The following DLGAP1 variants were observed in gnomAD, a reference collection of about 807,000 sequenced individuals.
DLGAP1 encodes disks large-associated protein 1.
DLGAP1 carries 11 observed loss-of-function variants against 90.8 expected under a neutral mutation model. The ratio of observed to expected loss-of-function variants is 0.12; its 90% CI spans 0.08 to 0.20. The LOEUF (loss-of-function observed/expected upper bound fraction) is 0.20, where lower values mean the gene tolerates loss of function less well. Ranked by LOEUF, DLGAP1 falls within the 10% of genes least tolerant of loss-of-function variation. The pLI, the probability that DLGAP1 is intolerant of heterozygous loss-of-function variation, is 1.00. For synonymous variants in DLGAP1, 558 were observed against 540.7 expected (o/e 1.03, Z -0.44); for missense variants, 1,050 against 1,333.8 (o/e 0.79, Z 3.31).
At chr18:3,893,581 AAATAATAATAATAAT>A (rs57334634) in intron 3 of DLGAP1, among the ~76,000 whole-genome samples, 214 of 143,058 alleles carry the variant, frequency 1.5e-3, no homozygotes, top group Middle Eastern at 0.011. Flanking sequence ...CTCAATCTCA[AAATAATAATAATAAT>A]AATAATAATA....
chr18:4,425,507 C>T (rs2083132966), intron 1 of DLGAP1, among the ~76,000 whole-genome samples: 1 of 152,164 alleles, frequency 6.6e-6, no homozygotes, highest in Non-Finnish European at 1.5e-5. Context: ...AAGGACACTT[C>T]CATATCTGCC....
chr18:3,959,702 T>C (rs1266008409), intron 3 of DLGAP1, among the ~76,000 whole-genome samples: 1 of 133,986 alleles, frequency 7.5e-6, no homozygotes, highest in Non-Finnish European at 1.6e-5. Context: ...AGAAGCACAA[T>C]GGGAGTCACA....
Position 3,696,104 on chromosome 18 carries a change from G to A in DLGAP1, c.1591+33031C>T, listed in dbSNP as rs141484240. ...GCTTAAGGAGATTTTGGGCTGAGAC[G>A]ATGGGGTTTTCCAAATATACAATCA... On this transcript the variant is annotated intron_variant, in intron 7 of 12. Transcript: ENST00000315677. Among the ~76,000 whole-genome samples, 521 of 152,290 alleles carry A rather than the reference G, an allele frequency of 3.4e-3. 3 individuals are homozygous for A. The highest frequency in any genetic ancestry group is 0.012 in the African/African-American group (488 of 41,580).
At chr18:4,395,669 AT>A (rs1456554724) in intron 1 of DLGAP1, among the ~76,000 whole-genome samples, 2 of 152,166 alleles carry the variant, frequency 1.3e-5, no homozygotes, top group African/African-American at 4.8e-5. Context: ...GCCAAATAAC[AT>A]TTTTCCAACC....
intron 1 of DLGAP1, among the ~76,000 whole-genome samples, chr18:4,308,355 C>A (rs1598868128): frequency 6.6e-6 from 1 of 152,124 alleles, no homozygotes; most frequent in South Asian, 2.1e-4. Context: ...ATAAAAATAT[C>A]TAATAAATAT....
intron 4 of DLGAP1, among the ~76,000 whole-genome samples, chr18:3,868,896 G>C (rs543550906): frequency 6.6e-6 from 1 of 152,286 alleles, no homozygotes; most frequent in African/African-American, 2.4e-5. Flanking sequence ...CACGAGCAAA[G>C]AAGAGTGATG....
intron 2 of DLGAP1, among the ~76,000 whole-genome samples, chr18:4,127,063 A>C (rs1395514271): frequency 1.3e-5 from 2 of 152,204 alleles, no homozygotes; most frequent in Non-Finnish European, 2.9e-5. Flanking sequence ...ATGACACTGT[A>C]ATATCAGTTG....
rs74754316 is a variant in DLGAP1, at chr18:4,160,501, C to T, written c.-266-9214G>A. ...TTTGTAAAGCATATTATTAATGCATCGATTATTTCATTTAAAATTCACAAT... is the reference window on the plus strand; with the variant it reads ...TTTGTAAAGCATATTATTAATGCATTGATTATTTCATTTAAAATTCACAAT... On this transcript the variant is annotated intron_variant, in intron 1 of 12. Coordinates refer to ENST00000315677, the MANE Select transcript of DLGAP1 (RefSeq NM_004746.4). 8.4e-4 allele frequency among the ~76,000 whole-genome samples: 128 copies of T among 152,210 alleles called. 1 individual carries two copies. In the East Asian group the frequency reaches 0.022, roughly 26 times the overall value.
chr18:3,646,760 T>TA (rs1448641534), intron 7 of DLGAP1, among the ~76,000 whole-genome samples: 1 of 151,404 alleles, frequency 6.6e-6, no homozygotes, highest in African/African-American at 2.4e-5. Context: ...TCGTCTCTAC[T>TA]AAAAAATACA....
intron 1 of DLGAP1, among the ~76,000 whole-genome samples, chr18:4,224,993 A>C (rs2078155833): frequency 6.6e-6 from 1 of 151,664 alleles, no homozygotes; most frequent in Non-Finnish European, 1.5e-5. Context: ...ACACACACTC[A>C]CACCCCCCCA....
At chr18:4,096,678 G>A (rs983472538) in intron 2 of DLGAP1, among the ~76,000 whole-genome samples, 2 of 152,120 alleles carry the variant, frequency 1.3e-5, no homozygotes, top group African/African-American at 2.4e-5. Flanking sequence ...GAATGGAGCC[G>A]AATAGGTTCA....
intron 1 of DLGAP1, among the ~76,000 whole-genome samples, chr18:4,188,367 T>C (rs1021246872): frequency 2.0e-5 from 3 of 152,182 alleles, no homozygotes; most frequent in African/African-American, 7.2e-5. Flanking sequence ...GTTTGTTATA[T>C]AGGTATACGT....
At chr18:4,191,185 A>G (rs1444463754) in intron 1 of DLGAP1, among the ~76,000 whole-genome samples, 1 of 152,158 alleles carries the variant, frequency 6.6e-6, no homozygotes, top group Non-Finnish European at 1.5e-5. Context: ...ACAGATGAAA[A>G]TGACATTTTT....
chr18:4,335,988 T>C (rs967745105), intron 1 of DLGAP1, among the ~76,000 whole-genome samples: 6 of 152,228 alleles, frequency 3.9e-5, no homozygotes, highest in Non-Finnish European at 7.3e-5. Flanking sequence ...CCATTGCCAT[T>C]TGGGGCACAA....
At chr18:4,160,355 T>C (rs2144499569) in intron 1 of DLGAP1, among the ~76,000 whole-genome samples, 1 of 152,342 alleles carries the variant, frequency 6.6e-6, no homozygotes, top group South Asian at 2.1e-4. Flanking sequence ...CATTACTTTC[T>C]CTCCATCCAC....
At chr18:3,839,891 A>G (rs577265193) in intron 4 of DLGAP1, among the ~76,000 whole-genome samples, 3 of 152,320 alleles carry the variant, frequency 2.0e-5, no homozygotes, top group Non-Finnish European at 4.4e-5. Flanking sequence ...TGAACAGGAC[A>G]TTCCGCCATC....
At chr18:3,757,493 C>A (rs577250539) in intron 5 of DLGAP1, among the ~76,000 whole-genome samples, 25 of 152,140 alleles carry the variant, frequency 1.6e-4, no homozygotes, top group African/African-American at 4.8e-4. Flanking sequence ...CAAAAATTCC[C>A]AACAAAACAA....
chr18:3,966,321 A>G (rs796427754), intron 3 of DLGAP1, among the ~76,000 whole-genome samples: 26 of 152,176 alleles, frequency 1.7e-4, no homozygotes, highest in African/African-American at 6.0e-4. Context: ...ATTTGCCTTA[A>G]GAAGTTTGGA....
chr18:3,600,847 GAT>G (rs373444350), intron 7 of DLGAP1, among the ~76,000 whole-genome samples: 6 of 27,320 alleles, frequency 2.2e-4, no homozygotes, highest in South Asian at 9.5e-4. Flanking sequence ...GATATATATA[GAT>G]ATATAGATAT....
Sources: gnomAD v4.1 joint callset for allele counts (sites outside exome capture counted in the v4.1 genomes callset) on GRCh38, gnomAD v4.1.1 for gene constraint, MANE v1.5 for transcripts, NCBI Gene and HGNC (gene_info 2026-07-23, HGNC 2026-07-21) for gene names.